Variants in KIAA1217 observed in about 807,000 individuals in gnomAD.
KIAA1217 encodes the protein KIAA1217, also known as sickle tail protein homolog.
A neutral mutation model predicts 163.9 loss-of-function variants in KIAA1217; 88 were observed. That is an observed-to-expected ratio of 0.54 (90% CI 0.45 to 0.64). KIAA1217 has a LOEUF of 0.64. Among genes scored for constraint, KIAA1217 ranks in the 30% least tolerant of loss-of-function variants. The pLI is 0.00. For synonymous variants in KIAA1217, 903 were observed against 923.1 expected, an observed-to-expected ratio of 0.98 and a Z score of 0.39; for missense variants, 2,372 against 2,475.0, an observed-to-expected ratio of 0.96 and a Z score of 0.88.
At chr10:23,904,612 A>G (rs1402413431) in intron 1 of KIAA1217, among the ~76,000 whole-genome samples, 1 of 152,108 alleles carries the variant, frequency 6.6e-6, no homozygotes, top group Non-Finnish European at 1.5e-5. Flanking sequence ...AAAACCATGC[A>G]TTGGTTCTTG....
chr10:23,933,972 C>G (rs969767488), intron 1 of KIAA1217, among the ~76,000 whole-genome samples: 4 of 152,168 alleles, frequency 2.6e-5, no homozygotes, highest in African/African-American at 9.7e-5. Flanking sequence ...TTATTGAAGA[C>G]AGTATAGTGA....
At chr10:24,107,978 G>C (rs899725217) in intron 2 of KIAA1217, among the ~76,000 whole-genome samples, 1 of 152,158 alleles carries the variant, frequency 6.6e-6, no homozygotes, top group African/African-American at 2.4e-5. Context: ...TAGGTGGCAG[G>C]ATGGGGTTGT....
At position 24,545,099 on chromosome 10, in the gene KIAA1217, G is replaced by T. The variant is rs900550683; in HGVS notation, c.5330G>T (p.Arg1777Leu). ...AAACTGCAGGATCCCCGCCAATATC[G>T]TCAGGTAGTTTTACCTTAAACCCAC... is the stretch of plus-strand genomic sequence containing the variant. ...QSKLQDPRQY[R>L]QANGSAKKSG... The change falls in exon 20 of 21, where the codon CGT (arginine) becomes CTT (leucine). Residue 1777 changes from arginine (R) to leucine (L), a missense_variant. Coordinates refer to ENST00000376454, the MANE Select transcript of KIAA1217 (RefSeq NM_019590.5). 3 of 1,614,138 alleles carry T rather than the reference G, an allele frequency of 1.9e-6. No individual in the cohort carries two copies. The highest frequency in any genetic ancestry group is 1.7e-6 in the Non-Finnish European group (2 of 1,180,008).
rs528775045 is a variant in KIAA1217 at position 24,077,540 on chromosome 10, T to C, written c.-171+70166T>C. Among the ~76,000 whole-genome samples the C allele has an allele frequency of 1.1e-3, 161 of 152,346 alleles. 2 individuals carry two copies. The highest frequency in any genetic ancestry group is 3.6e-3 in the African/African-American group (151 of 41,584). On this transcript the variant is annotated intron_variant, in intron 2 of 18. Transcript: ENST00000376462. The stretch of plus-strand genomic sequence containing the variant: ...TCCTTTTTATGGTGCCATAGTATTC[T>C]ATGGTGTATACATACCACATTTTCT...
chr10:24,282,823 C>CTTTT lies in KIAA1217; in HGVS notation c.354+62938_354+62941dup, dbSNP rs34486953. Among the ~76,000 whole-genome samples, 14 of 46,278 alleles carry CTTTT rather than the reference C, an allele frequency of 3.0e-4. 1 individual carries two copies. The highest frequency in any genetic ancestry group is 7.9e-4 in the African/African-American group (9 of 11,340). The allele number at this position is 46,278 out of a possible 152,430, so 30.4% of individuals were successfully genotyped here. A position where few individuals can be genotyped will look rare whatever the true frequency, so the allele number is the denominator to read the frequency against. ...GTTCTTTGCTACTGAGGTGTTGCTT[C>CTTTT]TTTTTTTTTTTTTTTTTTTTTTTTT... is the stretch of plus-strand genomic sequence containing the variant. On this transcript the variant is annotated intron_variant, in intron 2 of 20. Transcript: ENST00000376454.
At chr10:23,815,771 G>A (rs1837289008) in intron 1 of KIAA1217, among the ~76,000 whole-genome samples, 1 of 152,206 alleles carries the variant, frequency 6.6e-6, no homozygotes, top group African/African-American at 2.4e-5. Context: ...ATGAGTTTGA[G>A]TGCATTTTAA....
chr10:24,284,027 A>G (rs2078271534), intron 2 of KIAA1217, among the ~76,000 whole-genome samples: 1 of 151,768 alleles, frequency 6.6e-6, no homozygotes, highest in Non-Finnish European at 1.5e-5. Context: ...CTCCTGCCTC[A>G]GCCTCCCGAG....
chr10:24,529,220 C>T (rs2072724657), intron 14 of KIAA1217, among the ~76,000 whole-genome samples: 1 of 152,138 alleles, frequency 6.6e-6, no homozygotes. Context: ...CCAGGACTCC[C>T]ATTGGATACC....
intron 2 of KIAA1217, among the ~76,000 whole-genome samples, chr10:24,283,692 A>T (rs375475002): frequency 5.9e-5 from 9 of 152,158 alleles, no homozygotes; most frequent in East Asian, 3.9e-4. Context: ...AAAGAAAAGA[A>T]ACTGATGAAC....
chr10:24,147,914 T>C (rs963932293), intron 2 of KIAA1217, among the ~76,000 whole-genome samples: 3 of 151,226 alleles, frequency 2.0e-5, no homozygotes, highest in African/African-American at 7.3e-5. Flanking sequence ...GTGTCTAGAT[T>C]CGCATTTTCA....
intron 1 of KIAA1217, among the ~76,000 whole-genome samples, chr10:23,855,340 G>T (rs997065304): frequency 6.6e-6 from 1 of 152,106 alleles, no homozygotes; most frequent in Non-Finnish European, 1.5e-5. Context: ...TTGAATATTG[G>T]CCCCTACTCT....
chr10:24,432,881 T>C (rs2059715035), intron 3 of KIAA1217, 114 bp from the exon 4 acceptor site: 1 of 739,414 alleles, frequency 1.4e-6, no homozygotes, highest in Non-Finnish European at 2.2e-6. Context: ...TGTTACATGC[T>C]TGCCAAGCTT....
intron 2 of KIAA1217, among the ~76,000 whole-genome samples, chr10:24,192,343 G>A (rs2066761483): frequency 6.6e-6 from 1 of 152,238 alleles, no homozygotes; most frequent in Admixed American, 6.5e-5. Flanking sequence ...CTCACATTAG[G>A]GTCTTGCCAC....
At chr10:23,846,931 GT>G (rs777468879) in intron 1 of KIAA1217, among the ~76,000 whole-genome samples, 14 of 152,184 alleles carry the variant, frequency 9.2e-5, no homozygotes, top group Middle Eastern at 3.4e-3. Flanking sequence ...TTTATTGAGA[GT>G]TTTTAGCATG....
At chr10:24,105,366 G>GGAGGAGTAGGTGCAGGAGAAT (rs2062583983) in intron 2 of KIAA1217, among the ~76,000 whole-genome samples, 1 of 152,198 alleles carries the variant, frequency 6.6e-6, no homozygotes, top group Admixed American at 6.5e-5. Flanking sequence ...TGCAGGAGAA[G>GGAGGAGTAGGTGCAGGAGAAT]GAAGAGCAGG....
At chr10:24,100,136 T>C (rs2062352913) in intron 2 of KIAA1217, among the ~76,000 whole-genome samples, 1 of 152,094 alleles carries the variant, frequency 6.6e-6, no homozygotes. Context: ...TCAATCCTTT[T>C]AGGGTTTTTT....
At chr10:23,698,477 A>G (rs1019718409) in intron 1 of KIAA1217, among the ~76,000 whole-genome samples, 2 of 152,238 alleles carry the variant, frequency 1.3e-5, no homozygotes, top group South Asian at 2.1e-4. Context: ...AGATCAAATG[A>G]CAATTTGAGT....
Position 24,473,771 on chromosome 10 carries a change from C to T in KIAA1217, c.1390C>T (p.Pro464Ser), listed in dbSNP as rs1199755835. The change falls in exon 6 of 21, where the codon CCT becomes TCT. Residue 464 changes from proline to serine, a missense_variant. Physicochemically the swap from Pro to Ser is moderately conservative, Grantham distance 74. Transcript: ENST00000376454. ...AAGGAAATATCCGGATAGCCATTTG[C>T]CTACACTGGGCTCCAAAACACCCCC... ...KSRKYPDSHLPTLGSKTPPAS... is the reference protein window; with the variant it reads ...KSRKYPDSHLSTLGSKTPPAS... 5.0e-6 allele frequency: 8 copies of T among 1,614,108 alleles called. No individual in the cohort carries two copies. In the South Asian group the frequency reaches 8.8e-5, roughly 18 times the overall value.
At chr10:23,942,985 T>C (rs1174083265) in intron 1 of KIAA1217, among the ~76,000 whole-genome samples, 1 of 151,344 alleles carries the variant, frequency 6.6e-6, no homozygotes, top group African/African-American at 2.4e-5. Context: ...AGCTGGGCAT[T>C]GTGGCACACA....
Sources: gnomAD v4.1 joint callset for allele counts (sites outside exome capture counted in the v4.1 genomes callset) on GRCh38, gnomAD v4.1.1 for gene constraint, MANE v1.5 for transcripts, NCBI Gene and HGNC (gene_info 2026-07-23, HGNC 2026-07-21) for gene names.